SYBU: variants seen among roughly 807,000 people sequenced by gnomAD.
SYBU encodes syntabulin, also known as GOLSYN A protein.
A neutral mutation model predicts 35.9 loss-of-function variants in SYBU; 21 were observed. The observed-to-expected ratio is 0.58, with a 90% CI of 0.41 to 0.84. The LOEUF (loss-of-function observed/expected upper bound fraction) is 0.84, where lower values mean the gene tolerates loss of function less well. Among genes scored for constraint, SYBU ranks in the 40% least tolerant of loss-of-function variants. SYBU has a pLI of 0.00. For synonymous variants in SYBU, 319 were observed against 324.3 expected, an observed-to-expected ratio of 0.98 and a Z score of 0.18; for missense variants, 768 against 848.2, an observed-to-expected ratio of 0.91 and a Z score of 1.17.
At chr8:109,608,099 G>A (rs1826254608) in intron 3 of SYBU, 4 of 631,096 alleles carry the variant, frequency 6.3e-6, no homozygotes, top group Non-Finnish European at 1.0e-5. Context: ...AAGTTACTCT[G>A]CTGGCACCAT....
chr8:109,608,235 C>A (rs538882360), intron 3 of SYBU, among the ~76,000 whole-genome samples: 28 of 152,238 alleles, frequency 1.8e-4, no homozygotes, highest in Middle Eastern at 3.4e-3. Context: ...GAAGAAATAC[C>A]AAATTGTCAA....
chr8:109,598,682 A>G (rs1825164555), intron 3 of SYBU, among the ~76,000 whole-genome samples: 1 of 152,316 alleles, frequency 6.6e-6, no homozygotes, highest in Non-Finnish European at 1.5e-5. Flanking sequence ...ACTGTAGACT[A>G]TCTAAGTAAT....
intron 3 of SYBU, among the ~76,000 whole-genome samples, chr8:109,591,260 A>G (rs1824211551): frequency 6.6e-6 from 1 of 152,204 alleles, no homozygotes; most frequent in African/African-American, 2.4e-5. Context: ...TTGTGAATAA[A>G]TCTTTAGATA....
intron 2 of SYBU, among the ~76,000 whole-genome samples, chr8:109,637,952 G>C (rs900474139): frequency 1.3e-5 from 2 of 152,158 alleles, no homozygotes; most frequent in African/African-American, 4.8e-5. Flanking sequence ...CTTGGGATTA[G>C]ACTGCAAAGA....
At chr8:109,689,997 T>A (rs540008941) in intron 1 of SYBU, among the ~76,000 whole-genome samples, 1 of 152,154 alleles carries the variant, frequency 6.6e-6, no homozygotes, top group East Asian at 1.9e-4. Context: ...TCAGCATTTA[T>A]GAATGCATAC....
At chr8:109,634,952 C>T (rs930552263) in intron 2 of SYBU, among the ~76,000 whole-genome samples, 6 of 152,168 alleles carry the variant, frequency 3.9e-5, no homozygotes, top group African/African-American at 1.4e-4. Context: ...TTATTCTTTG[C>T]TGTTTACTTC....
intron 1 of SYBU, among the ~76,000 whole-genome samples, chr8:109,676,333 G>C (rs567695764): frequency 1.3e-5 from 2 of 152,308 alleles, no homozygotes; most frequent in South Asian, 4.1e-4. Flanking sequence ...AATAGGAAGA[G>C]AGGAAGTCAA....
At chr8:109,681,842 G>A (rs2130784554), upstream of SYBU, among the ~76,000 whole-genome samples, 1 of 152,296 alleles carries the variant, frequency 6.6e-6, no homozygotes, top group African/African-American at 2.4e-5. Context: ...GGCCTGGTGG[G>A]AGGTAATTGA....
At chr8:109,666,920 A>G (rs1388648921) in intron 1 of SYBU, among the ~76,000 whole-genome samples, 1 of 152,142 alleles carries the variant, frequency 6.6e-6, no homozygotes, top group African/African-American at 2.4e-5. Flanking sequence ...TCTCCATCTT[A>G]ATGATCTTGT....
rs997797597 is a variant in SYBU, at chr8:109,680,439, T to C, written c.-129+272A>G. 3.9e-5 allele frequency among the ~76,000 whole-genome samples: 6 copies of C among 152,382 alleles called. No homozygotes were observed. In the East Asian group the frequency reaches 1.2e-3, roughly 29 times the overall value. On this transcript the variant is annotated intron_variant, in intron 1 of 5. Coordinates refer to the SYBU transcript ENST00000408889. ...GCTTTAAATGACAAATTAGGAACAA[T>C]TTTATAATACATGATTTACAATTTC...
chr8:109,644,177 G>A (rs1815296161), intron 1 of SYBU: 1 of 461,424 alleles, frequency 2.2e-6, no homozygotes, highest in South Asian at 1.5e-5. Flanking sequence ...GGGGCCGCCA[G>A]CCGCACGCAG....
intron 1 of SYBU, among the ~76,000 whole-genome samples, chr8:109,688,403 G>T (rs2130792150): frequency 6.6e-6 from 1 of 152,214 alleles, no homozygotes; most frequent in African/African-American, 2.4e-5. Flanking sequence ...TCTTTCCTTT[G>T]CCAGTACCTG....
chr8:109,579,800 T>A lies in SYBU; in HGVS notation c.733A>T (p.Arg245Trp). The A allele has an allele frequency of 7.4e-6, 12 of 1,613,974 alleles. No homozygotes were observed. The highest frequency in any genetic ancestry group is 1.0e-5 in the Non-Finnish European group (12 of 1,179,872). Residue 245 changes from arginine to tryptophan, a missense_variant and splice_region_variant, in exon 5 of 7, where the codon AGG becomes TGG. By Grantham distance (101) the Arg-to-Trp change is moderately radical (BLOSUM62 -3). Transcript: ENST00000276646. Reference sequence around the variant, plus strand: ...ATGAATTAGGTGAGCAGGACTCACCTCATGATGGGGCTACAGTCGCTTCCT... The same window carrying A: ...ATGAATTAGGTGAGCAGGACTCACCACATGATGGGGCTACAGTCGCTTCCT... Reference protein sequence around the residue: ...YKGSDCSPIMRRSGRYMSCGE... With the variant: ...YKGSDCSPIMWRSGRYMSCGE...
intron 2 of SYBU, among the ~76,000 whole-genome samples, chr8:109,634,157 A>G (rs1364463266): frequency 1.3e-4 from 19 of 151,990 alleles, no homozygotes; most frequent in Admixed American, 1.2e-3. Flanking sequence ...AGCTTTTAAG[A>G]CTCTGCTTTT....
intron 6 of SYBU, among the ~76,000 whole-genome samples, chr8:109,577,506 C>T (rs1354344517): frequency 6.6e-6 from 1 of 152,122 alleles, no homozygotes; most frequent in African/African-American, 2.4e-5. Flanking sequence ...ACGGTTGTGA[C>T]CCATTCTGCT....
intron 1 of SYBU, among the ~76,000 whole-genome samples, chr8:109,670,003 G>A (rs967035726): frequency 2.6e-5 from 4 of 152,058 alleles, no homozygotes; most frequent in Middle Eastern, 3.2e-3. Flanking sequence ...AGAATTATGA[G>A]CAGAACTCTA....
At chr8:109,668,889 G>A (rs1182956055) in intron 1 of SYBU, among the ~76,000 whole-genome samples, 1 of 152,080 alleles carries the variant, frequency 6.6e-6, no homozygotes, top group Non-Finnish European at 1.5e-5. Flanking sequence ...GTGAACACAA[G>A]TATTTAATTC....
At chr8:109,605,797 A>T (rs990847475) in intron 3 of SYBU, among the ~76,000 whole-genome samples, 5 of 152,148 alleles carry the variant, frequency 3.3e-5, no homozygotes, top group Non-Finnish European at 7.4e-5. Context: ...CTCCTCTCCC[A>T]TCATTCCCCA....
intron 2 of SYBU, among the ~76,000 whole-genome samples, chr8:109,638,671 T>C (rs946275816): frequency 1.3e-5 from 2 of 152,222 alleles, no homozygotes; most frequent in Non-Finnish European, 2.9e-5. Context: ...ATGTTCTACT[T>C]GCTGTGCACA....
Sources: gnomAD v4.1 joint callset for allele counts (sites outside exome capture counted in the v4.1 genomes callset) on GRCh38, gnomAD v4.1.1 for gene constraint, MANE v1.5 for transcripts, NCBI Gene and HGNC (gene_info 2026-07-23, HGNC 2026-07-21) for gene names.